CASZ1: variants seen among roughly 807,000 people sequenced by gnomAD.
CASZ1 encodes the protein zinc finger protein castor homolog 1.
A neutral mutation model predicts 135.2 loss-of-function variants in CASZ1; 28 were observed. The observed-to-expected ratio is 0.21, with a 90% confidence interval of 0.15 to 0.28. The LOEUF is 0.28. Ranked by LOEUF, CASZ1 falls within the 10% of genes least tolerant of loss-of-function variation. The pLI is 1.00. For missense variants in CASZ1, 2,161 were observed against 2,453.3 expected, an observed-to-expected ratio of 0.88 and a Z score of 2.52; for synonymous variants, 1,068 against 1,073.4, an observed-to-expected ratio of 0.99 and a Z score of 0.10.
At chr1:10,775,649 C>T (rs541136978) in intron 1 of CASZ1, among the ~76,000 whole-genome samples, 115 of 152,208 alleles carry the variant, frequency 7.6e-4, no homozygotes, top group Non-Finnish European at 1.4e-3. Flanking sequence ...CGGGTGTGAA[C>T]GGGAGCAGAG....
At chr1:10,677,075 G>C (rs996871490) in intron 4 of CASZ1, among the ~76,000 whole-genome samples, 4 of 152,196 alleles carry the variant, frequency 2.6e-5, no homozygotes, top group African/African-American at 9.7e-5. Flanking sequence ...GCCCCCTGGG[G>C]CTCCATCGCC....
chr1:10,761,757 A>G (rs953556242), intron 1 of CASZ1, among the ~76,000 whole-genome samples: 1 of 152,232 alleles, frequency 6.6e-6, no homozygotes, highest in Non-Finnish European at 1.5e-5. Context: ...GTGCAAACAC[A>G]AACACACAAC....
In CASZ1 at chr1:10,651,018, G is replaced by T; in HGVS notation, c.2739C>A (p.Pro913=). The change falls in exon 12 of 21, where the codon CCC becomes CCA. Residue 913 remains proline (P), a synonymous_variant. Coordinates refer to ENST00000377022, the MANE Select transcript of CASZ1 (RefSeq NM_001079843.3). Reference sequence around the variant, plus strand: ...GGCCTGGGGCGCCGGTGCTCTCACCGGGTTCCGGCTTCACTTGGGCCGGGG... The same window carrying T: ...GGCCTGGGGCGCCGGTGCTCTCACCTGGTTCCGGCTTCACTTGGGCCGGGG... The part of the protein sequence containing the change: ...RFPPAQVKPE[P]GESTGAPGPH... The T allele has an allele frequency of 6.4e-7, 1 of 1,565,318 alleles. No individual in the cohort carries two copies. Among genetic ancestry groups the T allele is most frequent in the Non-Finnish European group, 8.6e-7 (1 of 1,165,184 alleles).
intron 17 of CASZ1, among the ~76,000 whole-genome samples, chr1:10,645,299 G>T (rs528550939): frequency 1.3e-5 from 2 of 152,350 alleles, no homozygotes; most frequent in East Asian, 3.9e-4. Context: ...GGGAGGCCGA[G>T]GTGGGCGGAT....
chr1:10,785,052 T>TTGCTTTCC (rs1640831184), intron 1 of CASZ1, among the ~76,000 whole-genome samples: 1 of 54,438 alleles, frequency 1.8e-5, no homozygotes, highest in Non-Finnish European at 4.3e-5. Flanking sequence ...GCTTGCTTTC[T>TTGCTTTCC]TTCTGTCTCT....
chr1:10,788,285 G>T lies in CASZ1; in HGVS notation c.-234+8279C>A, dbSNP rs989053446. Among the ~76,000 whole-genome samples the T allele has an allele frequency of 2.6e-5, 4 of 152,074 alleles. No homozygotes were observed. The highest frequency in any genetic ancestry group is 6.5e-5 in the Admixed American group (1 of 15,270). ...AGTGCTAGCCCCGATCCACCTATGG[G>T]GTCCCCTGGGTGACAGTTTGACAGC... On this transcript the variant is annotated intron_variant, in intron 1 of 20. Coordinates refer to ENST00000377022, the MANE Select transcript of CASZ1 (RefSeq NM_001079843.3). The surrounding 1 kb of genome is among the most constrained non-coding windows in gnomAD (Gnocchi z 4.1).
chr1:10,709,865 C>G lies in CASZ1; in HGVS notation c.-76-4321G>C, dbSNP rs758598237. ...ACAATGAGGGGGCCGGCGGCCCGCA[C>G]AGGCCAGCAGGTGCCCGATCGAGAC... On this transcript the variant is annotated intron_variant, in intron 2 of 20. Coordinates refer to ENST00000377022, the MANE Select transcript of CASZ1 (RefSeq NM_001079843.3). This position sits in a 1 kb window ranked among gnomAD's most constrained non-coding sequence, Gnocchi z 5.1. Among the ~76,000 whole-genome samples, 1 of 152,198 alleles carries G rather than the reference C, an allele frequency of 6.6e-6. No homozygotes were observed. Among genetic ancestry groups the G allele is most frequent in the Non-Finnish European group, 1.5e-5 (1 of 68,032 alleles).
At chr1:10,713,520 G>A (rs1272285974) in intron 2 of CASZ1, among the ~76,000 whole-genome samples, 1 of 152,214 alleles carries the variant, frequency 6.6e-6, no homozygotes, top group African/African-American at 2.4e-5. Flanking sequence ...AGCCTGGTTT[G>A]GGGCTGTGGC....
chr1:10,650,569 A>G (rs182502840), intron 13 of CASZ1, 123 bp downstream of exon 13: 71 of 754,844 alleles, frequency 9.4e-5, no homozygotes, highest in Middle Eastern at 4.8e-4. Context: ...TCAAAATTTA[A>G]ATGGTACAAA....
At chr1:10,765,131 G>C (rs1447056991) in intron 1 of CASZ1, among the ~76,000 whole-genome samples, 1 of 152,160 alleles carries the variant, frequency 6.6e-6, no homozygotes, top group Admixed American at 6.5e-5. Flanking sequence ...GGAGACGCGG[G>C]ATTGGGAAGC....
Position 10,649,429 on chromosome 1 carries a change from C to T in CASZ1, c.2889G>A (p.Gln963=), listed in dbSNP as rs774177366. The T allele has an allele frequency of 7.5e-6, 12 of 1,608,746 alleles. No homozygotes were observed. The highest frequency in any genetic ancestry group is 1.0e-5 in the Non-Finnish European group (12 of 1,177,430). Residue 963 remains glutamine (Q), a synonymous_variant, in exon 14 of 21, where the codon CAG becomes CAA. Transcript: ENST00000377022. ...LLSSLMNKMS[Q]GNPGLGSLLN... ...GCAGGCTGCCCAGGCCAGGGTTGCCCTGAGACATCTGTGAGGGACAGAGGC... is the reference window on the plus strand; with the variant it reads ...GCAGGCTGCCCAGGCCAGGGTTGCCTTGAGACATCTGTGAGGGACAGAGGC...
Position 10,700,887 on chromosome 1 carries a change from G to A in CASZ1, c.-24+4605C>T, listed in dbSNP as rs1639046845. Among the ~76,000 whole-genome samples, 1 of 152,100 alleles carries A rather than the reference G, an allele frequency of 6.6e-6. No individual in the cohort carries two copies. Among genetic ancestry groups the A allele is most frequent in the Admixed American group, 6.5e-5 (1 of 15,284 alleles). On this transcript the variant is annotated intron_variant, in intron 3 of 20. Coordinates refer to ENST00000377022, the MANE Select transcript of CASZ1 (RefSeq NM_001079843.3). This position sits in a 1 kb window ranked among gnomAD's most constrained non-coding sequence, Gnocchi z 4.2. Reference sequence around the variant, plus strand: ...ACCACTGAATTGTACATTTTAAAAAGGTGAATTTTATGGTATATGAATGAT... The same window carrying A: ...ACCACTGAATTGTACATTTTAAAAAAGTGAATTTTATGGTATATGAATGAT...
rs558599240 is a variant in CASZ1 at position 10,769,192 on chromosome 1, C to T, written c.-233-8335G>A. On this transcript the variant is annotated intron_variant, in intron 1 of 20. Coordinates refer to ENST00000377022, the MANE Select transcript of CASZ1 (RefSeq NM_001079843.3). Reference sequence around the variant, plus strand: ...CCAGTAAGAGAATGTGATTCAGCCACGCTATGGACCACTATGCAGCCCTTA... The same window carrying T: ...CCAGTAAGAGAATGTGATTCAGCCATGCTATGGACCACTATGCAGCCCTTA... Among the ~76,000 whole-genome samples, 103 of 152,280 alleles carry T rather than the reference C, an allele frequency of 6.8e-4. 4 individuals carry two copies. The highest frequency in any genetic ancestry group is 6.5e-3 in the Admixed American group (99 of 15,298).
At chr1:10,678,722 G>A (rs1290260787) in intron 4 of CASZ1, among the ~76,000 whole-genome samples, 2 of 152,168 alleles carry the variant, frequency 1.3e-5, no homozygotes, top group African/African-American at 4.8e-5. Context: ...CGTCCCGAGC[G>A]GGAGGGGGGA....
At position 10,638,607 on chromosome 1, in the gene CASZ1, G is replaced by C. The variant is rs1274850664; in HGVS notation, c.*335C>G. 6.6e-6 allele frequency: 1 copy of C among 152,360 alleles called. No homozygotes were observed. Among genetic ancestry groups the C allele is most frequent in the Non-Finnish European group, 1.5e-5 (1 of 68,314 alleles). The allele number at this position is 152,360 out of a possible 1,614,324, so 9.4% of individuals were successfully genotyped here. On this transcript the variant is annotated 3_prime_UTR_variant, in exon 21 of 21. Coordinates refer to ENST00000377022, the MANE Select transcript of CASZ1 (RefSeq NM_001079843.3). The surrounding 1 kb of genome is among the most constrained non-coding windows in gnomAD (Gnocchi z 5.9). The stretch of plus-strand genomic sequence containing the variant: ...CCCGTCCCAGTCCTGAGCAATGGTC[G>C]CGGGGCCGAATCGGCCGCGGGGAGG...
chr1:10,656,443 C>G (rs931125865), intron 8 of CASZ1, among the ~76,000 whole-genome samples: 1 of 152,172 alleles, frequency 6.6e-6, no homozygotes, highest in African/African-American at 2.4e-5. Flanking sequence ...CACTGGCCCC[C>G]AATCGTAGGA....
intron 5 of CASZ1, among the ~76,000 whole-genome samples, chr1:10,663,410 C>T (rs572790909): frequency 1.3e-5 from 2 of 152,312 alleles, no homozygotes; most frequent in Non-Finnish European, 2.9e-5. Flanking sequence ...AACCAAAAGA[C>T]AGCTGTTCCC....
chr1:10,650,838 G>C (rs1395804497), intron 12 of CASZ1, 83 bp from the exon 13 acceptor site: 1 of 1,599,732 alleles, frequency 6.3e-7, no homozygotes, highest in Non-Finnish European at 8.6e-7. Flanking sequence ...CGACCCTGGG[G>C]CTCCAGCCGA....
chr1:10,665,473 T>A lies in CASZ1; in HGVS notation c.115A>T (p.Ser39Cys), dbSNP rs758640614. The part of the protein sequence containing the change: ...LKLNAICAKL[S>C]RQVVVEKRAD... ...CGCTTCTCCACCACCACCTGGCGGC[T>A]CAGCTTGGCGCAGATGGCGTTCAGC... The change falls in exon 5 of 21, where the codon AGC (serine) becomes TGC (cysteine). Residue 39 changes from serine (S) to cysteine (C), a missense_variant. Ser to Cys is a moderately radical substitution (Grantham distance 112). Transcript: ENST00000377022. The A allele has an allele frequency of 6.2e-7, 1 of 1,609,012 alleles. No individual in the cohort carries two copies. Among genetic ancestry groups the A allele is most frequent in the Non-Finnish European group, 8.5e-7 (1 of 1,179,756 alleles).
Sources: gnomAD v4.1 joint callset for allele counts (sites outside exome capture counted in the v4.1 genomes callset) on GRCh38, gnomAD v4.1.1 for gene constraint, Gnocchi (gnomAD v3.1) non-coding constraint, MANE v1.5 for transcripts, NCBI Gene and HGNC (gene_info 2026-07-23, HGNC 2026-07-21) for gene names.